Variants in CSMD1 observed in about 807,000 individuals in gnomAD.
CSMD1 encodes the protein CUB and Sushi multiple domains 1.
A neutral mutation model predicts 417.5 loss-of-function variants in CSMD1; 213 were observed. The ratio of observed to expected loss-of-function variants is 0.51; its 90% CI spans 0.46 to 0.57. CSMD1 has a LOEUF of 0.57. CSMD1 is among the 20% of genes least tolerant of loss of function. CSMD1 has a pLI of 0.00. For missense variants in CSMD1, 6,923 were observed against 4,529.7 expected (o/e 1.53, Z -15.17); for synonymous variants, 2,862 against 1,736.8 (o/e 1.65, Z -16.11).
chr8:3,861,603 G>C (rs1326491837), intron 5 of CSMD1, among the ~76,000 whole-genome samples: 4 of 152,172 alleles, frequency 2.6e-5, no homozygotes, highest in Non-Finnish European at 5.9e-5. Context: ...CTGAGCTGAA[G>C]TGACCTCACA....
rs910461711 is a variant in CSMD1 at position 3,831,594 on chromosome 8, C to A, written c.819-77552G>T. On this transcript the variant is annotated intron_variant, in intron 5 of 69. Coordinates refer to ENST00000635120, the MANE Select transcript of CSMD1 (RefSeq NM_033225.6). Reference sequence around the variant, plus strand: ...ACAGCAATGGAATATCCCAAATGTCCTCTCTAATATTATAGCTTTTCATTG... The same window carrying A: ...ACAGCAATGGAATATCCCAAATGTCATCTCTAATATTATAGCTTTTCATTG... Among the ~76,000 whole-genome samples the A allele has an allele frequency of 3.3e-5, 5 of 152,264 alleles. No homozygotes were observed. The East Asian group carries it at 5.8e-4, about 18-fold the overall frequency.
chr8:4,742,510 A>G (rs1042171492), intron 1 of CSMD1, among the ~76,000 whole-genome samples: 16 of 152,106 alleles, frequency 1.1e-4, no homozygotes, highest in Non-Finnish European at 2.1e-4. Flanking sequence ...ACACATGTAC[A>G]TAGAAAATAT....
chr8:3,051,238 G>C (rs2128988821), intron 50 of CSMD1, among the ~76,000 whole-genome samples: 1 of 152,318 alleles, frequency 6.6e-6, no homozygotes, highest in East Asian at 1.9e-4. Flanking sequence ...CAAATGTGAT[G>C]CATACACATC....
At position 3,230,180 on chromosome 8, in the gene CSMD1, C is replaced by T. The variant is rs758153692; in HGVS notation, c.4205G>A (p.Arg1402His). The change falls in exon 27 of 70, where the codon CGC (arginine) becomes CAC (histidine). Residue 1402 changes from arginine (R) to histidine (H), a missense_variant. By Grantham distance (29) the Arg-to-His change is conservative (BLOSUM62 0). Transcript: ENST00000635120. ...TCCAGCCTCTCTGCTGTCTCCATAG[C>T]GGGTGCCATTTTGGGGCATACCTGG... ...NDPGMPQNGTRYGDSREAGDT... is the reference protein window; with the variant it reads ...NDPGMPQNGTHYGDSREAGDT... 7 of 1,611,886 alleles carry T rather than the reference C, an allele frequency of 4.3e-6. No individual in the cohort carries two copies. In the Admixed American group the frequency reaches 5.0e-5, roughly 12 times the overall value.
intron 1 of CSMD1, among the ~76,000 whole-genome samples, chr8:4,712,447 C>T (rs1161383184): frequency 1.3e-5 from 2 of 152,150 alleles, no homozygotes; most frequent in Admixed American, 1.3e-4. Flanking sequence ...TACTCTGAAC[C>T]CTTCTCACAA....
At chr8:4,795,397 G>A (rs1046768333) in intron 1 of CSMD1, among the ~76,000 whole-genome samples, 6 of 149,598 alleles carry the variant, frequency 4.0e-5, no homozygotes, top group African/African-American at 1.2e-4. Flanking sequence ...TCAGCCTTCC[G>A]AGTAGCTGGG....
intron 5 of CSMD1, among the ~76,000 whole-genome samples, chr8:3,883,301 T>C (rs1806328178): frequency 6.6e-6 from 1 of 152,176 alleles, no homozygotes; most frequent in African/African-American, 2.4e-5. Flanking sequence ...CTGTGAGAAC[T>C]GAACGACATA....
chr8:3,597,150 C>G (rs1801132969), intron 8 of CSMD1, among the ~76,000 whole-genome samples: 1 of 152,164 alleles, frequency 6.6e-6, no homozygotes, highest in South Asian at 2.1e-4. Context: ...TGCCCAAAAT[C>G]AGAGGGAATC....
intron 3 of CSMD1, among the ~76,000 whole-genome samples, chr8:4,284,900 T>A (rs1796979403): frequency 6.6e-6 from 1 of 152,160 alleles, no homozygotes. Flanking sequence ...TCTCCTCCTT[T>A]CCTGAATTCA....
At chr8:3,980,552 T>G (rs550370135) in intron 5 of CSMD1, among the ~76,000 whole-genome samples, 2 of 152,340 alleles carry the variant, frequency 1.3e-5, no homozygotes, top group East Asian at 3.9e-4. Flanking sequence ...CTCTTTGGTT[T>G]TCCACTCAAA....
chr8:3,340,885 G>T (rs1306487602), intron 23 of CSMD1, among the ~76,000 whole-genome samples: 1 of 152,164 alleles, frequency 6.6e-6, no homozygotes, highest in Non-Finnish European at 1.5e-5. Context: ...AGGTGAAACA[G>T]GGAGAACAAG....
chr8:3,915,825 G>A (rs1808782044), intron 5 of CSMD1, among the ~76,000 whole-genome samples: 1 of 145,826 alleles, frequency 6.9e-6, no homozygotes, highest in South Asian at 2.3e-4. Flanking sequence ...GCATTTTGGG[G>A]TTTAACATTT....
chr8:3,509,693 C>A (rs989195187), intron 10 of CSMD1, among the ~76,000 whole-genome samples: 4 of 152,204 alleles, frequency 2.6e-5, no homozygotes. Flanking sequence ...TAATCATCTT[C>A]AACTGCAGGG....
chr8:4,867,465 G>A (rs1802482989), intron 1 of CSMD1, among the ~76,000 whole-genome samples: 1 of 151,936 alleles, frequency 6.6e-6, no homozygotes, highest in Non-Finnish European at 1.5e-5. Flanking sequence ...TTATTTATAG[G>A]CAGCAATTAT....
At chr8:3,921,164 T>C (rs1047269978) in intron 5 of CSMD1, among the ~76,000 whole-genome samples, 2 of 152,164 alleles carry the variant, frequency 1.3e-5, no homozygotes, top group African/African-American at 4.8e-5. Context: ...CCTTTGAGAT[T>C]TTCTGTTTAT....
intron 3 of CSMD1, among the ~76,000 whole-genome samples, chr8:4,236,055 T>TTTTG (rs1563316749): frequency 1.2e-5 from 1 of 83,750 alleles, no homozygotes; most frequent in African/African-American, 4.2e-5. Flanking sequence ...TTTTTTTTTT[T>TTTTG]TTTTTTTTTT....
chr8:3,494,158 A>T (rs1193701019), intron 10 of CSMD1, among the ~76,000 whole-genome samples: 1 of 152,182 alleles, frequency 6.6e-6, no homozygotes, highest in Non-Finnish European at 1.5e-5. Context: ...TCATGGAATT[A>T]TCCATATTAG....
chr8:3,675,776 G>C (rs934310794), intron 7 of CSMD1, among the ~76,000 whole-genome samples: 1 of 152,076 alleles, frequency 6.6e-6, no homozygotes, highest in Non-Finnish European at 1.5e-5. Flanking sequence ...TATGTCTGTT[G>C]TTTAAGCTGC....
At chr8:4,171,499 A>G (rs1476630653) in intron 3 of CSMD1, among the ~76,000 whole-genome samples, 1 of 151,896 alleles carries the variant, frequency 6.6e-6, no homozygotes, top group East Asian at 1.9e-4. Flanking sequence ...ATATGTGATC[A>G]ATCTTTGTAC....
Sources: allele counts gnomAD v4.1 joint callset (sites outside exome capture counted in the v4.1 genomes callset), GRCh38; gene constraint gnomAD v4.1.1; transcripts MANE v1.5; gene names NCBI Gene and HGNC (gene_info 2026-07-23, HGNC 2026-07-21).